METAP2: variants seen among roughly 807,000 people sequenced by gnomAD.
METAP2 encodes the protein methionine aminopeptidase 2.
In METAP2, 25 loss-of-function variants were observed where a neutral mutation model predicts 59.4. That is an observed-to-expected ratio of 0.42 (90% CI 0.31 to 0.59). The LOEUF is 0.59. METAP2 is among the 20% of genes least tolerant of loss of function. The pLI is 0.16. For missense variants in METAP2, 366 were observed against 581.2 expected (o/e 0.63, Z 3.81); for synonymous variants, 214 against 194.1 (o/e 1.10, Z -0.85).
At chr12:95,501,803 A>G (rs948213108) in intron 7 of METAP2, among the ~76,000 whole-genome samples, 1 of 150,948 alleles carries the variant, frequency 6.6e-6, no homozygotes, top group Non-Finnish European at 1.5e-5. Flanking sequence ...GAATAATACT[A>G]GTTGTTACAA....
rs2076159420 is a variant in METAP2 at position 95,481,717 on chromosome 12, G to A, written c.260-1498G>A. On this transcript the variant is annotated intron_variant, in intron 2 of 10. Transcript: ENST00000323666. ...GATGAAGAAACCAGGGTAGAGGGAGGCTAAATAACTTGCCCAAGGTCACCC... is the reference window on the plus strand; with the variant it reads ...GATGAAGAAACCAGGGTAGAGGGAGACTAAATAACTTGCCCAAGGTCACCC... Among the ~76,000 whole-genome samples, 3 of 152,162 alleles carry A rather than the reference G, an allele frequency of 2.0e-5. No homozygotes were observed. The South Asian group carries it at 6.2e-4, about 32-fold the overall frequency.
At chr12:95,512,215 A>G (rs577068706) in intron 9 of METAP2, among the ~76,000 whole-genome samples, 1 of 152,330 alleles carries the variant, frequency 6.6e-6, no homozygotes, top group East Asian at 1.9e-4. Context: ...TGTTTATTCA[A>G]CATTTAATGA....
At chr12:95,487,887 T>C (rs1288011637) in intron 4 of METAP2, among the ~76,000 whole-genome samples, 8 of 152,222 alleles carry the variant, frequency 5.3e-5, no homozygotes, top group Admixed American at 2.0e-4. Flanking sequence ...TACCACACTT[T>C]ATTCCACCAT....
chr12:95,500,086 A>G (rs367910643), intron 7 of METAP2, among the ~76,000 whole-genome samples: 6 of 151,770 alleles, frequency 4.0e-5, no homozygotes, highest in African/African-American at 7.2e-5. Context: ...TATTTCAGCA[A>G]TGTTTTATAG....
intron 7 of METAP2, among the ~76,000 whole-genome samples, 164 bp downstream of exon 7, chr12:95,496,262 G>A (rs934096323): frequency 9.2e-5 from 14 of 151,954 alleles, no homozygotes; most frequent in Admixed American, 2.6e-4. Context: ...GCGGGTAAGT[G>A]TATGATTGTG....
chr12:95,489,567 G>A (rs2076222281), intron 4 of METAP2, among the ~76,000 whole-genome samples: 1 of 152,122 alleles, frequency 6.6e-6, no homozygotes. Context: ...GGTATAGTTT[G>A]TATCTTTCCT....
At chr12:95,505,397 G>A (rs11108079) in intron 8 of METAP2, among the ~76,000 whole-genome samples, 6,905 of 152,074 alleles carry the variant, frequency 0.045, 218 homozygotes, top group Non-Finnish European at 0.067. Context: ...ATGCAATCTC[G>A]GCTCACTGCA....
intron 5 of METAP2, 146 bp downstream of exon 5, chr12:95,494,363 C>T: frequency 1.2e-6 from 1 of 816,272 alleles, no homozygotes; most frequent in South Asian, 2.0e-5. Context: ...ATTTTAGTGT[C>T]ACTATGAGAA....
chr12:95,497,575 C>T (rs1353035184), intron 7 of METAP2, among the ~76,000 whole-genome samples: 1 of 152,126 alleles, frequency 6.6e-6, no homozygotes, highest in Non-Finnish European at 1.5e-5. Context: ...GTTTTCAATT[C>T]TTGGGTATAT....
intron 5 of METAP2, 152 bp from the exon 6 acceptor site, chr12:95,494,805 G>T: frequency 1.9e-6 from 1 of 530,750 alleles, no homozygotes; most frequent in Non-Finnish European, 3.2e-6. Flanking sequence ...TCAGAGAACT[G>T]TTATTTATTT....
chr12:95,480,599 A>C (rs901748514), intron 2 of METAP2, among the ~76,000 whole-genome samples: 9 of 152,110 alleles, frequency 5.9e-5, no homozygotes, highest in Admixed American at 2.6e-4. Context: ...TTTAATATGC[A>C]CTTCCCTAAT....
intron 7 of METAP2, among the ~76,000 whole-genome samples, chr12:95,498,920 T>C (rs2076295786): frequency 6.6e-6 from 1 of 151,420 alleles, no homozygotes; most frequent in African/African-American, 2.4e-5. Context: ...GAGGCTCTGG[T>C]GGGAGGATCA....
At chr12:95,483,331 T>TC in intron 3 of METAP2, 51 bp downstream of exon 3, 1 of 1,442,546 alleles carries the variant, frequency 6.9e-7, no homozygotes, top group South Asian at 1.2e-5. Flanking sequence ...GTTTATTCTG[T>TC]CGGGTGTGGT....
intron 7 of METAP2, among the ~76,000 whole-genome samples, chr12:95,499,538 T>C (rs2076300252): frequency 6.6e-6 from 1 of 150,868 alleles, no homozygotes; most frequent in South Asian, 2.1e-4. Flanking sequence ...TTTGTCTATC[T>C]AGGATGTCTT....
intron 8 of METAP2, 112 bp downstream of exon 8, chr12:95,504,273 A>C (rs1271640485): frequency 1.4e-6 from 1 of 724,688 alleles, no homozygotes; most frequent in African/African-American, 1.8e-5. Context: ...CAAGGAAAGA[A>C]GACGGGAAAT....
intron 4 of METAP2, among the ~76,000 whole-genome samples, chr12:95,487,088 A>C (rs918620258): frequency 1.3e-5 from 2 of 152,190 alleles, no homozygotes; most frequent in Middle Eastern, 3.2e-3. Flanking sequence ...CATTGTGAGG[A>C]ATGATATATG....
chr12:95,480,396 G>T (rs549798170), intron 2 of METAP2, among the ~76,000 whole-genome samples: 64 of 152,258 alleles, frequency 4.2e-4, no homozygotes, highest in African/African-American at 1.5e-3. Flanking sequence ...AATAGGACTG[G>T]GTTGCCTGTC....
Position 95,511,389 on chromosome 12 carries a change from G to T in METAP2, c.965-506G>T, listed in dbSNP as rs1248431994. ...TTCTTCCATCCTCCCTTCTAGCACC[G>T]TTTTTTTTTTTTTTTTTTTTTTTTG... On this transcript the variant is annotated intron_variant, in intron 8 of 10. Coordinates refer to ENST00000323666, the MANE Select transcript of METAP2 (RefSeq NM_006838.4). Among the ~76,000 whole-genome samples the T allele has an allele frequency of 5.7e-4, 35 of 61,110 alleles. 1 individual carries two copies. The highest frequency in any genetic ancestry group is 2.1e-3 in the Admixed American group (7 of 3,314). The allele number at this position is 61,110 out of a possible 152,430, so 40.1% of individuals were successfully genotyped here. A position where few individuals can be genotyped will look rare whatever the true frequency, so the allele number is the denominator to read the frequency against.
At chr12:95,477,513 A>C (rs2076129087) in intron 2 of METAP2, among the ~76,000 whole-genome samples, 1 of 152,228 alleles carries the variant, frequency 6.6e-6, no homozygotes, top group East Asian at 1.9e-4. Context: ...GGGTACAATA[A>C]GATTTTTTTA....
Sources: allele counts gnomAD v4.1 joint callset (sites outside exome capture counted in the v4.1 genomes callset), GRCh38; gene constraint gnomAD v4.1.1; transcripts MANE v1.5; gene names NCBI Gene and HGNC (gene_info 2026-07-23, HGNC 2026-07-21).